The following SLC12A7 variants were observed in gnomAD, a reference collection of about 807,000 sequenced individuals.
SLC12A7 encodes solute carrier family 12 member 7.
SLC12A7 carries 100 observed loss-of-function variants against 120.6 expected under a neutral mutation model. The ratio of observed to expected loss-of-function variants is 0.83; its 90% CI spans 0.71 to 0.98. The LOEUF is 0.98. Among genes scored for constraint, SLC12A7 ranks in the 50% least tolerant of loss-of-function variants. The pLI, the probability that SLC12A7 is intolerant of heterozygous loss-of-function variation, is 0.00. For synonymous variants in SLC12A7, 760 were observed against 678.0 expected, an observed-to-expected ratio of 1.12 and a Z score of -1.88; for missense variants, 1,373 against 1,548.1, an observed-to-expected ratio of 0.89 and a Z score of 1.90.
In SLC12A7 at chr5:1,075,427, G is replaced by A. The variant is rs372553468; in HGVS notation, c.1911C>T (p.Tyr637=). The A allele has an allele frequency of 8.3e-5, 134 of 1,612,488 alleles. No homozygotes were observed. The highest frequency in any genetic ancestry group is 1.2e-4 in the Admixed American group (7 of 59,978). The change falls in exon 15 of 24, where the codon TAC becomes TAT. Residue 637 remains tyrosine, a synonymous_variant. Transcript: ENST00000264930. ...CAGCGATGAGCATGGCGGACAGCGC[G>A]TAGTACCAGGAGCAGATGAACATCA... is the stretch of plus-strand genomic sequence containing the variant. ...LALMFICSWY[Y]ALSAMLIAGC...
rs146681871 is a variant in SLC12A7, at chr5:1,093,624, G to A, written c.251C>T (p.Ser84Leu). The change falls in exon 3 of 24, where the codon TCG (serine) becomes TTG (leucine). Residue 84 changes from serine (S) to leucine (L), a missense_variant. Transcript: ENST00000264930. ...GTAGTTGGCCAGCTTGTTGAGCAGC[G>A]AGGACACCATGGGGTTACTGTCCAT... ...EEMDSNPMVS[S>L]LLNKLANYTN... is the part of the protein sequence containing the mutation. 9.1e-5 allele frequency: 147 copies of A among 1,613,152 alleles called. 1 individual carries two copies. The African/African-American group carries it at 1.5e-3, about 16-fold the overall frequency.
intron 22 of SLC12A7, among the ~76,000 whole-genome samples, chr5:1,053,788 C>T (rs1286425194): frequency 6.6e-6 from 1 of 152,240 alleles, no homozygotes; most frequent in East Asian, 1.9e-4. Flanking sequence ...AAGCGCTTTC[C>T]TAACTACATC....
chr5:1,076,804 GC>G lies in SLC12A7; in HGVS notation c.1637del (p.Gly546AlafsTer15). On this transcript the variant is annotated frameshift_variant, in exon 13 of 24. Coordinates refer to ENST00000264930, the MANE Select transcript of SLC12A7 (RefSeq NM_006598.3). LOFTEE classifies it high-confidence loss of function. ...DGIVPFLQVF[G>X]HGKANGEPTW... ...TGGGCTCCCCGTTGGCCTTCCCGTG[GC>G]CAAACACCTGCAGGGAGAAGGGCAG... 1 of 1,607,474 alleles carries G rather than the reference GC, an allele frequency of 6.2e-7. No individual in the cohort carries two copies. The highest frequency in any genetic ancestry group is 1.1e-5 in the South Asian group (1 of 91,020).
At chr5:1,151,796 G>A in the SLC12A7 span, among the ~76,000 whole-genome samples, 1 of 152,124 alleles carries the variant, frequency 6.6e-6, no homozygotes, top group South Asian at 2.1e-4. This position sits in a 1 kb window ranked among gnomAD's most constrained non-coding sequence, Gnocchi z 6.2. Flanking sequence ...TGAACGTCCT[G>A]TCCTCTGGGC....
intron 1 of SLC12A7, among the ~76,000 whole-genome samples, chr5:1,106,202 C>T (rs1742515969): frequency 6.6e-6 from 1 of 152,222 alleles, no homozygotes; most frequent in African/African-American, 2.4e-5. Flanking sequence ...CCTGTAATCC[C>T]AGCACTCCGG....
rs554579470 is a variant in SLC12A7, at chr5:1,073,562, C to T, written c.2241+71G>A. ...CCGTGTTGACACGCTGCGATGAGGA[C>T]ATGCCAGGGCACGTTTCCTGTGCAG... On this transcript the variant is annotated intron_variant, in intron 17 of 23. Transcript: ENST00000264930. 1.6e-3 allele frequency: 2,336 copies of T among 1,492,824 alleles called. 8 individuals are homozygous for T. Among genetic ancestry groups the T allele is most frequent in the South Asian group, 3.2e-3 (262 of 82,786 alleles). 92.5% of individuals were successfully genotyped at this position (1,492,824 alleles called of 1,614,324 possible).
At chr5:1,125,535 G>C in the SLC12A7 span, among the ~76,000 whole-genome samples, 1 of 152,108 alleles carries the variant, frequency 6.6e-6, no homozygotes, top group Non-Finnish European at 1.5e-5. Context: ...TTTATCTAGG[G>C]TGGGAGACTA....
At chr5:1,098,130 AAG>A (rs1561100971) in intron 1 of SLC12A7, among the ~76,000 whole-genome samples, 1,435 of 35,768 alleles carry the variant, frequency 0.04, 29 homozygotes, top group African/African-American at 0.14. Flanking sequence ...AACCCTCTGC[AAG>A]CCCAGCCCCC....
At position 1,054,362 on chromosome 5, in the gene SLC12A7, T is replaced by TC. The variant is rs1325882538; in HGVS notation, c.3027-881_3027-880insG. Among the ~76,000 whole-genome samples, 8 of 152,244 alleles carry TC rather than the reference T, an allele frequency of 5.3e-5. No individual in the cohort carries two copies. The East Asian group carries it at 1.5e-3, about 29-fold the overall frequency. Reference sequence around the variant, plus strand: ...CAGGAGGCTCCCCAACCAAGTAGGTTTGGGGACACTGCAGAATCATGCTGT... The same window carrying TC: ...CAGGAGGCTCCCCAACCAAGTAGGTTCTGGGGACACTGCAGAATCATGCTGT... On this transcript the variant is annotated intron_variant, in intron 22 of 23. Transcript: ENST00000264930.
intron 2 of SLC12A7, 56 bp from the exon 3 acceptor site, chr5:1,093,711 C>A (rs986347587): frequency 1.2e-6 from 2 of 1,601,894 alleles, no homozygotes; most frequent in African/African-American, 1.3e-5. Context: ...GGCCCCCCGA[C>A]CTCCCTCCCC....
the SLC12A7 span, among the ~76,000 whole-genome samples, chr5:1,136,042 C>G: frequency 6.6e-6 from 1 of 152,156 alleles, no homozygotes; most frequent in Non-Finnish European, 1.5e-5. Context: ...CACATTGCCC[C>G]TTGATTCATG....
At chr5:1,065,029 TGA>T (rs1449649895) in intron 18 of SLC12A7, among the ~76,000 whole-genome samples, 2 of 47,610 alleles carry the variant, frequency 4.2e-5, no homozygotes, top group Admixed American at 3.3e-4. Flanking sequence ...CACGGGACAG[TGA>T]GGGGACAGCG....
At chr5:1,073,364 A>G (rs1737916691) in intron 17 of SLC12A7, among the ~76,000 whole-genome samples, 1 of 152,212 alleles carries the variant, frequency 6.6e-6, no homozygotes, top group Non-Finnish European at 1.5e-5. Flanking sequence ...ACGGCTCTGG[A>G]CGGGGCTCAC....
At chr5:1,086,506 C>T (rs1318065386) in intron 6 of SLC12A7, among the ~76,000 whole-genome samples, 1 of 152,222 alleles carries the variant, frequency 6.6e-6, no homozygotes, top group Non-Finnish European at 1.5e-5. Context: ...GGCTCTGGGA[C>T]CCTCGGCCAA....
chr5:1,085,618 G>T, intron 6 of SLC12A7, 145 bp from the exon 7 acceptor site: 3 of 1,209,082 alleles, frequency 2.5e-6, no homozygotes, highest in Non-Finnish European at 2.2e-6. Context: ...GACGGAGCCC[G>T]CGGGGGTCAG....
chr5:1,122,157 G>A, the SLC12A7 span, among the ~76,000 whole-genome samples: 1 of 152,192 alleles, frequency 6.6e-6, no homozygotes, highest in South Asian at 2.1e-4. Context: ...GATGGTGTGG[G>A]GGGACACTGT....
At chr5:1,067,115 C>T (rs1737136778) in intron 17 of SLC12A7, among the ~76,000 whole-genome samples, 1 of 152,230 alleles carries the variant, frequency 6.6e-6, no homozygotes, top group African/African-American at 2.4e-5. Context: ...AGGCACCCCT[C>T]GTCCTTACCC....
rs776411985 is a variant in SLC12A7, at chr5:1,074,559, G to A, written c.2072+8C>T. On this transcript the variant is annotated splice_region_variant and intron_variant, in intron 16 of 23. Coordinates refer to ENST00000264930, the MANE Select transcript of SLC12A7 (RefSeq NM_006598.3). ...GTCTGAGGACCACGGGGCATGGGCG[G>A]TGCTCACCTCCAGTTCTTGGTGTGG... is the stretch of plus-strand genomic sequence containing the variant. 3 of 1,609,660 alleles carry A rather than the reference G, an allele frequency of 1.9e-6. No individual in the cohort carries two copies. The highest frequency in any genetic ancestry group is 1.7e-4 in the Middle Eastern group (1 of 6,046).
Position 1,050,669 on chromosome 5 carries a change from C to A in SLC12A7, c.*1691G>T, listed in dbSNP as rs1432742682. 5.1e-6 allele frequency: 2 copies of A among 392,488 alleles called. No individual in the cohort carries two copies. Among genetic ancestry groups the A allele is most frequent in the Non-Finnish European group, 9.0e-6 (2 of 222,776 alleles). 24.3% of individuals were successfully genotyped at this position (392,488 alleles called of 1,614,324 possible). On this transcript the variant is annotated 3_prime_UTR_variant, in exon 24 of 24. Transcript: ENST00000264930. Reference sequence around the variant, plus strand: ...CACCATGTGGCCGCTGTGCCTCTAGCCTGCTCTCCTCCAGGTGCAGGGGAC... The same window carrying A: ...CACCATGTGGCCGCTGTGCCTCTAGACTGCTCTCCTCCAGGTGCAGGGGAC...
Sources: gnomAD v4.1 joint callset for allele counts (sites outside exome capture counted in the v4.1 genomes callset) on GRCh38, gnomAD v4.1.1 for gene constraint, Gnocchi (gnomAD v3.1) non-coding constraint, MANE v1.5 for transcripts, NCBI Gene and HGNC (gene_info 2026-07-23, HGNC 2026-07-21) for gene names.